Variants in CREG2 observed in about 807,000 individuals in gnomAD.
CREG2 encodes protein CREG2.
CREG2 carries 24 observed loss-of-function variants against 26.2 expected under a neutral mutation model. That is an observed-to-expected ratio of 0.92 (90% CI 0.66 to 1.29). The LOEUF (loss-of-function observed/expected upper bound fraction) is 1.29, where lower values mean the gene tolerates loss of function less well. Ranked by LOEUF, CREG2 falls within the 50% of genes most tolerant of loss-of-function variation. The pLI, the probability that CREG2 is intolerant of heterozygous loss-of-function variation, is 0.00. For synonymous variants in CREG2, 174 were observed against 169.2 expected, an observed-to-expected ratio of 1.03 and a Z score of -0.22; for missense variants, 366 against 398.6, an observed-to-expected ratio of 0.92 and a Z score of 0.70.
chr2:101,360,152 G>A (rs1684519189), intron 2 of CREG2, among the ~76,000 whole-genome samples: 1 of 151,962 alleles, frequency 6.6e-6, no homozygotes, highest in Admixed American at 6.6e-5. Context: ...CTTATCTTAT[G>A]TAAAATGTTG....
In CREG2 at chr2:101,387,327, T is replaced by C. The variant is rs1438489423; in HGVS notation, c.131A>G (p.Asn44Ser). 9 of 1,494,312 alleles carry C rather than the reference T, an allele frequency of 6.0e-6. No individual in the cohort carries two copies. Among genetic ancestry groups the C allele is most frequent in the Non-Finnish European group, 8.1e-6 (9 of 1,115,806 alleles). 92.6% of individuals were successfully genotyped at this position (1,494,312 alleles called of 1,614,324 possible). ...GCTGTCCAGCTCCTCGTCCACCTCG[T>C]TGGTGACGGCCCAAGACACGGAGCT... ...IVSSVSWAVT[N>S]EVDEELDSAS... The change falls in exon 1 of 4, where the codon AAC (asparagine) becomes AGC (serine). Residue 44 changes from asparagine (N) to serine (S), a missense_variant. Coordinates refer to ENST00000324768, the MANE Select transcript of CREG2 (RefSeq NM_153836.4). The surrounding 1 kb of genome is among the most constrained non-coding windows in gnomAD (Gnocchi z 4.7).
In CREG2 at chr2:101,387,196, G is replaced by C. The variant is rs17854477; in HGVS notation, c.262C>G (p.Arg88Gly). The stretch of plus-strand genomic sequence containing the variant: ...GGCCTGGCCCGGGCGGCGCCCGCCC[G>C]GGGCCGCAGGTGCGCGTCCTCCTTG... ...AHKEDAHLRP[R>G]AGAARARPPP... is the part of the protein sequence containing the mutation. Residue 88 changes from arginine to glycine, a missense_variant, in exon 1 of 4, where the codon CGG becomes GGG. By Grantham distance (125) the Arg-to-Gly change is moderately radical. This residue lies in a region of CREG2 where 177 missense variants were observed against 183.3 expected (regional missense o/e 0.97). Transcript: ENST00000324768. The surrounding 1 kb of genome is among the most constrained non-coding windows in gnomAD (Gnocchi z 4.7). 4.1e-4 allele frequency: 553 copies of C among 1,361,084 alleles called. 13 individuals are homozygous for C. In the South Asian group the frequency reaches 8.7e-3, roughly 21 times the overall value. 84.3% of individuals were successfully genotyped at this position (1,361,084 alleles called of 1,614,324 possible). A position where few individuals can be genotyped will look rare whatever the true frequency, so the allele number is the denominator to read the frequency against.
At chr2:101,359,646 G>A (rs1242423968) in intron 2 of CREG2, among the ~76,000 whole-genome samples, 3 of 152,154 alleles carry the variant, frequency 2.0e-5, no homozygotes, top group African/African-American at 7.2e-5. Context: ...GTGGGATTGG[G>A]CCCTCTCCTG....
rs564396267 is a variant in CREG2, at chr2:101,355,247, A to G, written c.725+6T>C. 2.5e-6 allele frequency: 4 copies of G among 1,576,072 alleles called. No homozygotes were observed. The East Asian group carries it at 6.7e-5, about 26-fold the overall frequency. On this transcript the variant is annotated splice_donor_region_variant and intron_variant, in intron 3 of 3. Coordinates refer to ENST00000324768, the MANE Select transcript of CREG2 (RefSeq NM_153836.4). ...TGGGCATATAAATTTTAAAGCATTT[A>G]CACACCTTGAAAACATGGCTTGCTT...
intron 2 of CREG2, among the ~76,000 whole-genome samples, chr2:101,366,025 A>T (rs1037483839): frequency 1.1e-4 from 16 of 152,332 alleles, no homozygotes; most frequent in South Asian, 8.3e-4. Context: ...TCCCCAGTTT[A>T]CGTTATTCCA....
chr2:101,359,165 G>A (rs1020026219), intron 2 of CREG2, among the ~76,000 whole-genome samples: 2 of 152,058 alleles, frequency 1.3e-5, no homozygotes, highest in African/African-American at 2.4e-5. Context: ...CTTGGAAGAG[G>A]GGGCCAAGCG....
chr2:101,373,537 AT>A (rs1684743832), intron 2 of CREG2, among the ~76,000 whole-genome samples: 2 of 152,334 alleles, frequency 1.3e-5, no homozygotes, highest in Middle Eastern at 3.4e-3. Context: ...CTCATCACTT[AT>A]TTGTGTCATT....
chr2:101,387,452 G>A lies in CREG2; in HGVS notation c.6C>T (p.Ser2=). The change falls in exon 1 of 4, where the codon TCC becomes TCT. Residue 2 remains serine (S), a synonymous_variant. Coordinates refer to ENST00000324768, the MANE Select transcript of CREG2 (RefSeq NM_153836.4). The surrounding 1 kb of genome is among the most constrained non-coding windows in gnomAD (Gnocchi z 4.7). M[S]VRRGRRPARP... is the part of the protein sequence containing the mutation. The stretch of plus-strand genomic sequence containing the variant: ...GCGCCGGCCGCCGGCCGCGGCGCAC[G>A]GACATCTTGCAGGCAGCACGCCCGG... 8.4e-7 allele frequency: 1 copy of A among 1,191,410 alleles called. No homozygotes were observed. The highest frequency in any genetic ancestry group is 1.1e-6 in the Non-Finnish European group (1 of 946,362). 73.8% of individuals were successfully genotyped at this position (1,191,410 alleles called of 1,614,324 possible). A position where few individuals can be genotyped will look rare whatever the true frequency, so the allele number is the denominator to read the frequency against.
At chr2:101,362,164 C>T (rs1684551275) in intron 2 of CREG2, among the ~76,000 whole-genome samples, 1 of 152,194 alleles carries the variant, frequency 6.6e-6, no homozygotes, top group African/African-American at 2.4e-5. Context: ...GGAAATCCCC[C>T]TAACTCTTCT....
rs1684340281 is a variant in CREG2, at chr2:101,348,985, C to CTGTGGTT, written c.*1937_*1938insAACCACA. Reference sequence around the variant, plus strand: ...TGGATAAATAGCTGATAACATTCATCAGTGGTTATGAATGGCATCCACTGG... The same window carrying CTGTGGTT: ...TGGATAAATAGCTGATAACATTCATCTGTGGTTAGTGGTTATGAATGGCATCCACTGG... On this transcript the variant is annotated 3_prime_UTR_variant, in exon 4 of 4. Transcript: ENST00000324768. The CTGTGGTT allele has an allele frequency of 6.6e-6, 1 of 152,602 alleles. No individual in the cohort carries two copies. The allele number at this position is 152,602 out of a possible 1,614,324, so 9.5% of individuals were successfully genotyped here. A position where few individuals can be genotyped will look rare whatever the true frequency, so the allele number is the denominator to read the frequency against.
At chr2:101,367,059 A>G (rs1684628164) in intron 2 of CREG2, among the ~76,000 whole-genome samples, 2 of 152,138 alleles carry the variant, frequency 1.3e-5, no homozygotes, top group Admixed American at 6.5e-5. Flanking sequence ...CCAATTGCCC[A>G]TGGATACCAA....
At chr2:101,376,250 T>C (rs1252071341) in intron 2 of CREG2, among the ~76,000 whole-genome samples, 1 of 149,890 alleles carries the variant, frequency 6.7e-6, no homozygotes, top group Admixed American at 6.7e-5. Flanking sequence ...CTTAATCACG[T>C]GGTTATTTTC....
At chr2:101,380,150 A>G (rs984588663) in intron 2 of CREG2, among the ~76,000 whole-genome samples, 2 of 152,194 alleles carry the variant, frequency 1.3e-5, no homozygotes, top group Non-Finnish European at 2.9e-5. Flanking sequence ...GTATCTGCTT[A>G]TTAAACACGT....
Position 101,387,243 on chromosome 2 carries a change from T to C in CREG2, c.215A>G (p.Gln72Arg). 1 of 1,440,466 alleles carries C rather than the reference T, an allele frequency of 6.9e-7. No individual in the cohort carries two copies. The highest frequency in any genetic ancestry group is 1.4e-5 in the South Asian group (1 of 71,498). The allele number at this position is 1,440,466 out of a possible 1,614,324, so 89.2% of individuals were successfully genotyped here. ...CTTGTGGGCAGAGGCGGGGAAGCTTTGCTGCCAGATGCTGCCCGAATCCTC... is the reference window on the plus strand; with the variant it reads ...CTTGTGGGCAGAGGCGGGGAAGCTTCGCTGCCAGATGCTGCCCGAATCCTC... ...LLEDSGSIWQ[Q>R]SFPASAHKED... Residue 72 changes from glutamine (Q) to arginine (R), a missense_variant, in exon 1 of 4, where the codon CAA (glutamine) becomes CGA (arginine). Coordinates refer to ENST00000324768, the MANE Select transcript of CREG2 (RefSeq NM_153836.4). The surrounding 1 kb of genome is among the most constrained non-coding windows in gnomAD (Gnocchi z 4.7).
chr2:101,387,422 C>G lies in CREG2; in HGVS notation c.36G>C (p.Pro12=), dbSNP rs1193203259. ...SVRRGRRPAR[P]GTRLSWLLCC... The stretch of plus-strand genomic sequence containing the variant: ...ACAGCAGCCAGGAGAGGCGGGTCCC[C>G]GGCCGCGCCGGCCGCCGGCCGCGGC... Residue 12 remains proline (P), a synonymous_variant, in exon 1 of 4, where the codon CCG becomes CCC. Coordinates refer to ENST00000324768, the MANE Select transcript of CREG2 (RefSeq NM_153836.4). The surrounding 1 kb of genome is among the most constrained non-coding windows in gnomAD (Gnocchi z 4.7). 2.6e-6 allele frequency: 3 copies of G among 1,141,782 alleles called. No homozygotes were observed. Among genetic ancestry groups the G allele is most frequent in the Non-Finnish European group, 3.3e-6 (3 of 917,424 alleles). The allele number at this position is 1,141,782 out of a possible 1,614,324, so 70.7% of individuals were successfully genotyped here. A position where few individuals can be genotyped will look rare whatever the true frequency, so the allele number is the denominator to read the frequency against.
At chr2:101,362,517 G>A (rs1477137315) in intron 2 of CREG2, among the ~76,000 whole-genome samples, 1 of 152,154 alleles carries the variant, frequency 6.6e-6, no homozygotes, top group East Asian at 1.9e-4. Context: ...ATGTGGTGGA[G>A]GCGTGCCCAC....
At chr2:101,380,439 A>G (rs1375492993) in intron 2 of CREG2, among the ~76,000 whole-genome samples, 1 of 152,212 alleles carries the variant, frequency 6.6e-6, no homozygotes, top group Non-Finnish European at 1.5e-5. Context: ...AGGCTGTAGG[A>G]AACGGCCGCG....
intron 3 of CREG2, among the ~76,000 whole-genome samples, chr2:101,351,696 G>A (rs911438884): frequency 2.0e-5 from 3 of 152,008 alleles, no homozygotes; most frequent in African/African-American, 4.8e-5. Context: ...GCCTCTCCCC[G>A]ATGCATACCC....
chr2:101,373,746 T>G (rs943217241), intron 2 of CREG2, among the ~76,000 whole-genome samples: 2 of 152,078 alleles, frequency 1.3e-5, no homozygotes, highest in African/African-American at 4.8e-5. Context: ...AAGAAGTGAC[T>G]GCAGGTTACT....
Sources: allele counts gnomAD v4.1 joint callset (sites outside exome capture counted in the v4.1 genomes callset), GRCh38; gene constraint gnomAD v4.1.1; regional missense constraint gnomAD v4.1.1; non-coding constraint Gnocchi (gnomAD v3.1); transcripts MANE v1.5; gene names NCBI Gene and HGNC (gene_info 2026-07-23, HGNC 2026-07-21).